The following KCNJ6 variants were observed in gnomAD, a reference collection of about 807,000 sequenced individuals.
KCNJ6 encodes potassium inwardly rectifying channel subfamily J member 6.
A neutral mutation model predicts 34.2 loss-of-function variants in KCNJ6; 9 were observed. The ratio of observed to expected loss-of-function variants is 0.26; its 90% CI spans 0.16 to 0.46. The LOEUF (loss-of-function observed/expected upper bound fraction) is 0.46. KCNJ6 is among the 20% of genes least tolerant of loss of function. The pLI is 1.00. For synonymous variants in KCNJ6, 196 were observed against 207.1 expected (o/e 0.95, Z 0.46); for missense variants, 236 against 531.3 (o/e 0.44, Z 5.46).
In KCNJ6 at chr21:37,613,581, G is replaced by A. The variant is rs1045234523; in HGVS notation, c.*11578C>T. The A allele has an allele frequency of 2.6e-5, 4 of 152,186 alleles. No homozygotes were observed. Among genetic ancestry groups the A allele is most frequent in the Non-Finnish European group, 5.9e-5 (4 of 68,030 alleles). The allele number at this position is 152,186 out of a possible 1,614,324, so 9.4% of individuals were successfully genotyped here. ...ACATCCAGAAAATGGATGAGTGTTT[G>A]GTGCTAAAAAAGTGAGCTCTCAAGC... On this transcript the variant is annotated 3_prime_UTR_variant, in exon 4 of 4. Transcript: ENST00000609713.
intron 2 of KCNJ6, among the ~76,000 whole-genome samples, chr21:37,754,070 T>G (rs993635393): frequency 6.6e-6 from 1 of 152,196 alleles, no homozygotes; most frequent in African/African-American, 2.4e-5. Flanking sequence ...GGGCCACACA[T>G]AAGATACTGC....
intron 3 of KCNJ6, among the ~76,000 whole-genome samples, chr21:37,649,954 G>A (rs903381493): frequency 1.3e-5 from 2 of 150,070 alleles, no homozygotes; most frequent in East Asian, 2.0e-4. Flanking sequence ...TAGTAGAGAC[G>A]GGGCTTCACC....
intron 2 of KCNJ6, among the ~76,000 whole-genome samples, chr21:37,720,702 CTTTTTTTTT>C (rs3061017): frequency 7.7e-6 from 1 of 129,530 alleles, no homozygotes; most frequent in Non-Finnish European, 1.6e-5. Context: ...ATTTTCTTTT[CTTTTTTTTT>C]TTTTTTTGAG....
chr21:37,880,792 T>G (rs971942488), intron 1 of KCNJ6, among the ~76,000 whole-genome samples: 3 of 152,222 alleles, frequency 2.0e-5, no homozygotes, highest in Non-Finnish European at 2.9e-5. Context: ...TGGCTTGACA[T>G]CAGAGTCTTT....
chr21:37,899,974 T>G (rs1013642102), intron 1 of KCNJ6, among the ~76,000 whole-genome samples: 10 of 152,212 alleles, frequency 6.6e-5, no homozygotes, highest in African/African-American at 1.9e-4. Flanking sequence ...TTCTGGCAGC[T>G]GAGAATGACC....
chr21:37,627,421 TTTTC>T (rs1281584841), intron 3 of KCNJ6, among the ~76,000 whole-genome samples: 1 of 152,196 alleles, frequency 6.6e-6, no homozygotes, highest in Non-Finnish European at 1.5e-5. Flanking sequence ...TTCTGAATTA[TTTTC>T]TTTATCTGTG....
chr21:37,754,295 C>T (rs1266706965), intron 2 of KCNJ6, among the ~76,000 whole-genome samples: 1 of 152,160 alleles, frequency 6.6e-6, no homozygotes, highest in Non-Finnish European at 1.5e-5. Context: ...ATCTCAAGTG[C>T]CGCTTGCTTG....
chr21:37,810,299 T>C (rs568362974), intron 2 of KCNJ6, among the ~76,000 whole-genome samples: 2 of 152,342 alleles, frequency 1.3e-5, no homozygotes, highest in South Asian at 4.1e-4. Flanking sequence ...ATTAAATAAA[T>C]TAATTTTTCA....
chr21:37,832,802 A>T (rs9979593), intron 2 of KCNJ6, among the ~76,000 whole-genome samples: 1 of 151,834 alleles, frequency 6.6e-6, no homozygotes, highest in African/African-American at 2.4e-5. Context: ...AAGAGAGAAC[A>T]AAGGTATTTC....
intron 2 of KCNJ6, among the ~76,000 whole-genome samples, chr21:37,798,101 T>C (rs570750582): frequency 6.6e-6 from 1 of 152,352 alleles, no homozygotes; most frequent in Admixed American, 6.5e-5. Flanking sequence ...ATCATTCTAA[T>C]AATACAACAA....
intron 1 of KCNJ6, among the ~76,000 whole-genome samples, chr21:37,875,085 G>A (rs1373565376): frequency 1.3e-5 from 2 of 152,186 alleles, no homozygotes; most frequent in Non-Finnish European, 2.9e-5. Context: ...GAGCAGGGCT[G>A]TCTCATGGGG....
chr21:37,647,130 AG>A (rs1182073038), intron 3 of KCNJ6, among the ~76,000 whole-genome samples: 1 of 152,200 alleles, frequency 6.6e-6, no homozygotes, highest in Non-Finnish European at 1.5e-5. Flanking sequence ...ATGAGGATAT[AG>A]CACAGGGCAG....
chr21:37,743,626 G>A (rs994637166), intron 2 of KCNJ6, among the ~76,000 whole-genome samples: 5 of 152,050 alleles, frequency 3.3e-5, no homozygotes, highest in Non-Finnish European at 7.4e-5. Context: ...TCCACCTTCT[G>A]TCATGAAATG....
intron 2 of KCNJ6, among the ~76,000 whole-genome samples, chr21:37,742,404 A>T (rs1008725825): frequency 1.3e-5 from 2 of 152,148 alleles, no homozygotes; most frequent in African/African-American, 2.4e-5. Flanking sequence ...TTCTGTATTC[A>T]ATCTCAGGGT....
At chr21:37,818,147 T>C (rs966754166) in intron 2 of KCNJ6, among the ~76,000 whole-genome samples, 2 of 152,160 alleles carry the variant, frequency 1.3e-5, no homozygotes, top group African/African-American at 4.8e-5. Flanking sequence ...ACCCCTTTCA[T>C]GTGTCTTACA....
At chr21:37,805,080 A>G (rs903999641) in intron 2 of KCNJ6, among the ~76,000 whole-genome samples, 1 of 152,164 alleles carries the variant, frequency 6.6e-6, no homozygotes, top group Non-Finnish European at 1.5e-5. Context: ...ATCCATAGAG[A>G]CAGAAAAGAG....
chr21:37,833,780 AG>A (rs1568865502), intron 2 of KCNJ6, among the ~76,000 whole-genome samples: 1 of 152,206 alleles, frequency 6.6e-6, no homozygotes, highest in Non-Finnish European at 1.5e-5. Context: ...CCTAGAGAGT[AG>A]GGAGTTCTTT....
At position 37,610,858 on chromosome 21, in the gene KCNJ6, AT is replaced by A. The variant is rs2054240613; in HGVS notation, c.*14300del. The A allele has an allele frequency of 6.6e-6, 1 of 152,154 alleles. No homozygotes were observed. Among genetic ancestry groups the A allele is most frequent in the Non-Finnish European group, 1.5e-5 (1 of 68,030 alleles). 9.4% of individuals were successfully genotyped at this position (152,154 alleles called of 1,614,324 possible). ...CAATAAAAACAATGCTTAAAGGGAA[AT>A]TTATAACATTGAATGCAGATAGCAC... On this transcript the variant is annotated 3_prime_UTR_variant, in exon 4 of 4. Coordinates refer to ENST00000609713, the MANE Select transcript of KCNJ6 (RefSeq NM_002240.5).
chr21:37,716,193 T>G (rs929337004), intron 2 of KCNJ6, among the ~76,000 whole-genome samples: 1 of 152,010 alleles, frequency 6.6e-6, no homozygotes, highest in Non-Finnish European at 1.5e-5. Context: ...ACATTTCTGG[T>G]TTTTGTCGGT....
Sources: gnomAD v4.1 joint callset for allele counts (sites outside exome capture counted in the v4.1 genomes callset) on GRCh38, gnomAD v4.1.1 for gene constraint, MANE v1.5 for transcripts, NCBI Gene and HGNC (gene_info 2026-07-23, HGNC 2026-07-21) for gene names.